Variants in TMEM260 observed in about 807,000 individuals in gnomAD.
TMEM260 encodes protein O-mannosyl-transferase TMEM260.
Under a neutral mutation model 88.9 loss-of-function variants are expected in TMEM260, and 82 were observed. That is an observed-to-expected ratio of 0.92 (90% CI 0.77 to 1.11). TMEM260 has a LOEUF of 1.11. Among genes scored for constraint, TMEM260 ranks in the 50% least tolerant of loss-of-function variants. TMEM260 has a pLI of 0.00. For missense variants in TMEM260, 902 were observed against 853.4 expected, an observed-to-expected ratio of 1.06 and a Z score of -0.71; for synonymous variants, 314 against 309.3, an observed-to-expected ratio of 1.02 and a Z score of -0.16.
At chr14:56,615,225 G>T (rs569799679) in intron 7 of TMEM260, among the ~76,000 whole-genome samples, 2 of 152,186 alleles carry the variant, frequency 1.3e-5, no homozygotes, top group South Asian at 4.1e-4. Flanking sequence ...TAAAATTGCC[G>T]GTAGGGAGAA....
Position 56,603,825 on chromosome 14 carries a change from T to C in TMEM260, c.355T>C (p.Ser119Pro). Residue 119 changes from serine to proline, a missense_variant, in exon 4 of 16, where the codon TCA becomes CCA. Physicochemically the swap from Ser to Pro is moderately conservative, Grantham distance 74. Coordinates refer to ENST00000261556, the MANE Select transcript of TMEM260 (RefSeq NM_017799.4). ...TATCTGTGTTTGCAGGCTTTCTGGC[T>C]CATCTGCTGGAGGAATCCTTGCTGC... ...LFFTVFRLSG[S>P]SAGGILAAGV... is the part of the protein sequence containing the mutation. 1 of 1,613,854 alleles carries C rather than the reference T, an allele frequency of 6.2e-7. No homozygotes were observed. Among genetic ancestry groups the C allele is most frequent in the Non-Finnish European group, 8.5e-7 (1 of 1,179,754 alleles).
At chr14:56,593,819 C>T (rs1279126235) in intron 3 of TMEM260, among the ~76,000 whole-genome samples, 1 of 149,998 alleles carries the variant, frequency 6.7e-6, no homozygotes, top group Non-Finnish European at 1.5e-5. Context: ...TCCCGAGTAG[C>T]TGGGACTACA....
intron 15 of TMEM260, among the ~76,000 whole-genome samples, chr14:56,637,648 C>T (rs1470286949): frequency 6.6e-6 from 1 of 152,180 alleles, no homozygotes; most frequent in Non-Finnish European, 1.5e-5. Flanking sequence ...ATATTTCTGC[C>T]ATCTTTAGAC....
At chr14:56,651,193 G>A (rs1183301157), downstream of TMEM260, among the ~76,000 whole-genome samples, 2 of 152,128 alleles carry the variant, frequency 1.3e-5, no homozygotes, top group African/African-American at 2.4e-5. Context: ...ATCATTGTCA[G>A]CACCCTCTCA....
chr14:56,647,205 A>C (rs1890021334), intron 15 of TMEM260, 38 bp from the exon 16 acceptor site: 10 of 1,542,980 alleles, frequency 6.5e-6, no homozygotes, highest in South Asian at 4.8e-5. Flanking sequence ...AAAGTCAAAG[A>C]ATAACAATGG....
intron 11 of TMEM260, among the ~76,000 whole-genome samples, chr14:56,622,801 GAAT>G (rs1355809640): frequency 1.3e-5 from 2 of 151,974 alleles, no homozygotes; most frequent in Non-Finnish European, 2.9e-5. Flanking sequence ...TTGAATTAAT[GAAT>G]AATTATAATT....
Position 56,605,557 on chromosome 14 carries a change from A to G in TMEM260, c.523-13A>G. ...AATTTTTTACTTAATTTTTTTTTTTAATTTATTTTCAGGTAGCTAAAATTG... is the reference window on the plus strand; with the variant it reads ...AATTTTTTACTTAATTTTTTTTTTTGATTTATTTTCAGGTAGCTAAAATTG... On this transcript the variant is annotated splice_polypyrimidine_tract_variant and intron_variant, in intron 4 of 15. Transcript: ENST00000261556. 7.1e-7 allele frequency: 1 copy of G among 1,416,634 alleles called. No individual in the cohort carries two copies. Among genetic ancestry groups the G allele is most frequent in the Non-Finnish European group, 9.5e-7 (1 of 1,052,728 alleles). 87.8% of individuals were successfully genotyped at this position (1,416,634 alleles called of 1,614,324 possible).
chr14:56,588,317 T>C (rs1885638923), intron 3 of TMEM260, among the ~76,000 whole-genome samples: 2 of 152,072 alleles, frequency 1.3e-5, no homozygotes, highest in African/African-American at 2.4e-5. Flanking sequence ...CACATAGCAT[T>C]CACTATATTT....
chr14:56,635,775 G>A lies in TMEM260; in HGVS notation c.1779-733G>A, dbSNP rs561963076. Among the ~76,000 whole-genome samples, 4 of 152,216 alleles carry A rather than the reference G, an allele frequency of 2.6e-5. No homozygotes were observed. The East Asian group carries it at 7.7e-4, about 29-fold the overall frequency. ...GCACTGAGAACAGTTATGATATAAA[G>A]AGCTTATATAAGTTTAAAGAGGTTT... On this transcript the variant is annotated intron_variant, in intron 14 of 15. Transcript: ENST00000261556.
intron 15 of TMEM260, among the ~76,000 whole-genome samples, chr14:56,637,802 C>T (rs1039192489): frequency 1.3e-5 from 2 of 152,200 alleles, no homozygotes; most frequent in African/African-American, 4.8e-5. Flanking sequence ...CAAAGCATTT[C>T]TCGAGCACCC....
chr14:56,595,966 A>G (rs114437701), intron 3 of TMEM260, among the ~76,000 whole-genome samples: 1,819 of 152,320 alleles, frequency 0.012, 24 homozygotes, highest in African/African-American at 0.042. Context: ...AGATCTATCC[A>G]TACAAACATC....
chr14:56,606,836 A>T (rs1044454087), intron 5 of TMEM260, among the ~76,000 whole-genome samples: 10 of 152,238 alleles, frequency 6.6e-5, no homozygotes, highest in African/African-American at 2.2e-4. Context: ...AGGAGGTTGC[A>T]GTGAGCCGAT....
At chr14:56,580,743 C>T (rs561790593) in intron 1 of TMEM260, among the ~76,000 whole-genome samples, 66 of 152,230 alleles carry the variant, frequency 4.3e-4, no homozygotes, top group Admixed American at 3.1e-3. Flanking sequence ...ACTCATTGGC[C>T]CTTAAATCAC....
intron 6 of TMEM260, among the ~76,000 whole-genome samples, chr14:56,610,328 C>A (rs1887177759): frequency 6.6e-6 from 1 of 152,140 alleles, no homozygotes; most frequent in African/African-American, 2.4e-5. Context: ...GCAAGCTCCG[C>A]CTCCCGGGTT....
chr14:56,652,145 G>C (rs959797081), downstream of TMEM260, among the ~76,000 whole-genome samples: 1 of 152,150 alleles, frequency 6.6e-6, no homozygotes, highest in Non-Finnish European at 1.5e-5. Context: ...CTCATCCTTG[G>C]ATTATGGACC....
intron 15 of TMEM260, among the ~76,000 whole-genome samples, chr14:56,639,257 G>C (rs1396525039): frequency 6.9e-6 from 1 of 144,598 alleles, no homozygotes; most frequent in African/African-American, 2.7e-5. Flanking sequence ...AGCCAACCAG[G>C]GTAACTACAG....
At chr14:56,609,388 C>A in intron 6 of TMEM260, 103 bp downstream of exon 6, 1 of 1,100,816 alleles carries the variant, frequency 9.1e-7, no homozygotes, top group Non-Finnish European at 1.3e-6. Flanking sequence ...GACAGTAGAT[C>A]AAATGTTTGT....
At chr14:56,618,546 A>T (rs1472638378) in intron 9 of TMEM260, 48 bp from the exon 10 acceptor site, 2 of 1,556,624 alleles carry the variant, frequency 1.3e-6, no homozygotes, top group Non-Finnish European at 1.8e-6. Context: ...GCTGATTGAT[A>T]GCATTAAATA....
chr14:56,656,889 A>G, the TMEM260 span, among the ~76,000 whole-genome samples: 12 of 152,170 alleles, frequency 7.9e-5, no homozygotes, highest in Non-Finnish European at 1.5e-4. Flanking sequence ...GTGCACACGC[A>G]TGCACACACA....
Sources: allele counts gnomAD v4.1 joint callset (sites outside exome capture counted in the v4.1 genomes callset), GRCh38; gene constraint gnomAD v4.1.1; transcripts MANE v1.5; gene names NCBI Gene and HGNC (gene_info 2026-07-23, HGNC 2026-07-21).